The following ZNF445 variants were observed in gnomAD, a reference collection of about 807,000 sequenced individuals.
ZNF445 encodes the protein zinc finger protein 445, also known as zinc finger protein 168.
In ZNF445, 19 loss-of-function variants were observed where a neutral mutation model predicts 93.9. The observed-to-expected ratio is 0.20, with a 90% CI of 0.14 to 0.30. The LOEUF is 0.30. Ranked by LOEUF, ZNF445 falls within the 10% of genes least tolerant of loss-of-function variation. The pLI is 1.00. For synonymous variants in ZNF445, 449 were observed against 446.3 expected, an observed-to-expected ratio of 1.01 and a Z score of -0.08; for missense variants, 1,058 against 1,259.4, an observed-to-expected ratio of 0.84 and a Z score of 2.42.
rs758247269 is a variant in ZNF445 at position 44,446,574 on chromosome 3, G to A, written c.*1C>T. 15 of 1,614,126 alleles carry A rather than the reference G, an allele frequency of 9.3e-6. No homozygotes were observed. The South Asian group carries it at 1.2e-4, about 13-fold the overall frequency. On this transcript the variant is annotated 3_prime_UTR_variant, in exon 8 of 8. Transcript: ENST00000396077. The surrounding 1 kb of genome is among the most constrained non-coding windows in gnomAD (Gnocchi z 4.2). ...CCCCACTGTCACTGTCAGGTCCCAG[G>A]CTAATCTCTAATATGGTTTTTCATA...
In ZNF445 at chr3:44,435,726, TATTC is replaced by T. The variant is rs1345451120; in HGVS notation, c.*10845_*10848del. On this transcript the variant is annotated 3_prime_UTR_variant, in exon 8 of 8. Coordinates refer to ENST00000396077, the MANE Select transcript of ZNF445 (RefSeq NM_181489.6). ...GATTCTGCCCATTGTTGACTATGTC[TATTC>T]TAATTACGCATTCTAGAACCAGGGA... is the stretch of plus-strand genomic sequence containing the variant. 1 of 152,230 alleles carries T rather than the reference TATTC, an allele frequency of 6.6e-6. No homozygotes were observed. The highest frequency in any genetic ancestry group is 1.9e-4 in the East Asian group (1 of 5,202). The allele number at this position is 152,230 out of a possible 1,614,324, so 9.4% of individuals were successfully genotyped here.
Position 44,461,350 on chromosome 3 carries a change from CGAG to C in ZNF445, c.-268-2989_-268-2987del, listed in dbSNP as rs1423963731. On this transcript the variant is annotated intron_variant, in intron 1 of 7. Transcript: ENST00000396077. Reference sequence around the variant, plus strand: ...GACTTCTACTCAATCAGGAAGATTTCGAGGAGGTTTCTCAGACCGAGAATAGGA... The same window carrying C: ...GACTTCTACTCAATCAGGAAGATTTCGAGGTTTCTCAGACCGAGAATAGGA... Among the ~76,000 whole-genome samples, 12 of 145,728 alleles carry C rather than the reference CGAG, an allele frequency of 8.2e-5. No homozygotes were observed. The East Asian group carries it at 2.2e-3, about 27-fold the overall frequency.
At chr3:44,459,136 C>T (rs1371356427) in intron 1 of ZNF445, among the ~76,000 whole-genome samples, 1 of 152,132 alleles carries the variant, frequency 6.6e-6, no homozygotes, top group Non-Finnish European at 1.5e-5. Context: ...CCCATCTCCA[C>T]AGGAAGAAAA....
chr3:44,464,960 G>A (rs893394276), intron 1 of ZNF445, among the ~76,000 whole-genome samples: 2 of 151,808 alleles, frequency 1.3e-5, no homozygotes, highest in African/African-American at 4.8e-5. Flanking sequence ...CCAGCTACTC[G>A]GTAGGCTGAG....
At position 44,447,655 on chromosome 3, in the gene ZNF445, CT is replaced by C; in HGVS notation, c.2015del (p.Gln672ArgfsTer62). On this transcript the variant is annotated frameshift_variant, in exon 8 of 8. Coordinates refer to ENST00000396077, the MANE Select transcript of ZNF445 (RefSeq NM_181489.6). LOFTEE classifies it high-confidence loss of function. This position sits in a 1 kb window ranked among gnomAD's most constrained non-coding sequence, Gnocchi z 4.7. ...ATGTTTTCTCCACAGCGGGAGCACC[CT>C]GGGGCTGACTGCAGTCAGGAGATTG... ...FRQSPDCSQP[Q>X]GAPAVEKTFL... 6.2e-7 allele frequency: 1 copy of C among 1,614,096 alleles called. No homozygotes were observed. Among genetic ancestry groups the C allele is most frequent in the Admixed American group, 1.7e-5 (1 of 60,024 alleles).
rs894494361 is a variant in ZNF445 at position 44,444,411 on chromosome 3, A to G, written c.*2164T>C. 2.0e-5 allele frequency: 3 copies of G among 152,184 alleles called. No homozygotes were observed. The highest frequency in any genetic ancestry group is 7.2e-5 in the African/African-American group (3 of 41,440). 9.4% of individuals were successfully genotyped at this position (152,184 alleles called of 1,614,324 possible). A position where few individuals can be genotyped will look rare whatever the true frequency, so the allele number is the denominator to read the frequency against. On this transcript the variant is annotated 3_prime_UTR_variant, in exon 8 of 8. Coordinates refer to ENST00000396077, the MANE Select transcript of ZNF445 (RefSeq NM_181489.6). ...GCACAGCCAAGCACTCTAACTTCACACATAAGGAAATTGATGCAGAGGTTC... is the reference window on the plus strand; with the variant it reads ...GCACAGCCAAGCACTCTAACTTCACGCATAAGGAAATTGATGCAGAGGTTC...
At chr3:44,449,438 GT>G in intron 7 of ZNF445, 74 bp downstream of exon 7, 1 of 1,201,506 alleles carries the variant, frequency 8.3e-7, no homozygotes, top group Non-Finnish European at 1.2e-6. Flanking sequence ...TAAATTCCCA[GT>G]GATGTAACTG....
intron 1 of ZNF445, among the ~76,000 whole-genome samples, chr3:44,474,396 C>G (rs1698313291): frequency 6.6e-6 from 1 of 152,124 alleles, no homozygotes; most frequent in African/African-American, 2.4e-5. Context: ...TGCCTGTAAT[C>G]CCAGCTACTC....
intron 3 of ZNF445, among the ~76,000 whole-genome samples, chr3:44,453,104 G>C (rs1697978064): frequency 6.6e-6 from 1 of 151,236 alleles, no homozygotes; most frequent in Admixed American, 6.6e-5. Context: ...AGTAGAGATG[G>C]GTTTTCATCA....
chr3:44,469,696 G>A (rs1203450086), intron 1 of ZNF445, among the ~76,000 whole-genome samples: 1 of 152,034 alleles, frequency 6.6e-6, no homozygotes, highest in East Asian at 1.9e-4. Context: ...TTGAACCCAG[G>A]AGGCAGAGGT....
Position 44,450,897 on chromosome 3 carries a change from G to C in ZNF445, c.664C>G (p.Pro222Ala). The C allele has an allele frequency of 6.3e-7, 1 of 1,595,192 alleles. No homozygotes were observed. Among genetic ancestry groups the C allele is most frequent in the Non-Finnish European group, 8.5e-7 (1 of 1,171,412 alleles). Residue 222 changes from proline (P) to alanine (A), a missense_variant, in exon 5 of 8, where the codon CCA (proline) becomes GCA (alanine). By Grantham distance (27) the Pro-to-Ala change is conservative. Around this residue, in one of 3 missense-constraint regions of ZNF445, gnomAD observed 657 missense variants for 746.4 expected, o/e 0.88. Transcript: ENST00000396077. ...REGCPGDQVT[P>A]TRSLTAQLQE... is the part of the protein sequence containing the mutation. ...AGCTGGGCTGTCAGGGACCTGGTTG[G>C]TGTTACCTGGTCTCCCGGGCACCCC...
At chr3:44,450,086 G>A (rs766026036) in intron 6 of ZNF445, 5 of 316,694 alleles carry the variant, frequency 1.6e-5, no homozygotes, top group Admixed American at 9.4e-5. Context: ...GATTACAGGC[G>A]TGCGTACCAC....
chr3:44,443,477 T>G lies in ZNF445; in HGVS notation c.*3098A>C, dbSNP rs1317503440. 1 of 152,096 alleles carries G rather than the reference T, an allele frequency of 6.6e-6. No homozygotes were observed. The allele number at this position is 152,096 out of a possible 1,614,324, so 9.4% of individuals were successfully genotyped here. A position where few individuals can be genotyped will look rare whatever the true frequency, so the allele number is the denominator to read the frequency against. On this transcript the variant is annotated 3_prime_UTR_variant, in exon 8 of 8. Coordinates refer to ENST00000396077, the MANE Select transcript of ZNF445 (RefSeq NM_181489.6). Reference sequence around the variant, plus strand: ...GGCTCACACCTGTAATCCCAGCATTTTGGGAGGCCGAGGCGGGTGGATCAC... The same window carrying G: ...GGCTCACACCTGTAATCCCAGCATTGTGGGAGGCCGAGGCGGGTGGATCAC...
At chr3:44,465,423 G>C (rs933268561) in intron 1 of ZNF445, among the ~76,000 whole-genome samples, 2 of 152,176 alleles carry the variant, frequency 1.3e-5, no homozygotes, top group African/African-American at 4.8e-5. Context: ...AAATTATTTA[G>C]TTTTCCACAG....
chr3:44,469,576 C>T (rs1698238159), intron 1 of ZNF445, among the ~76,000 whole-genome samples: 1 of 152,076 alleles, frequency 6.6e-6, no homozygotes, highest in Non-Finnish European at 1.5e-5. Flanking sequence ...TGAGAACAGC[C>T]TGGCAAACAT....
intron 1 of ZNF445, among the ~76,000 whole-genome samples, chr3:44,473,111 AAGGT>A (rs1487539394): frequency 1.8e-4 from 27 of 152,166 alleles, no homozygotes; most frequent in Admixed American, 1.8e-3. Flanking sequence ...AAGTGTATAG[AAGGT>A]ATATAAACTG....
rs1697637333 is a variant in ZNF445, at chr3:44,434,560, A to T, written c.*12015T>A. On this transcript the variant is annotated 3_prime_UTR_variant, in exon 8 of 8. Transcript: ENST00000396077. ...CTGTACACCAGGTCCAGTGACTATA[A>T]TGTCATCAATATAATGGACCAGTGT... 1 of 152,136 alleles carries T rather than the reference A, an allele frequency of 6.6e-6. No homozygotes were observed. The highest frequency in any genetic ancestry group is 2.1e-4 in the South Asian group (1 of 4,822). 9.4% of individuals were successfully genotyped at this position (152,136 alleles called of 1,614,324 possible). A position where few individuals can be genotyped will look rare whatever the true frequency, so the allele number is the denominator to read the frequency against.
intron 1 of ZNF445, among the ~76,000 whole-genome samples, chr3:44,472,262 C>A (rs1698279644): frequency 1.3e-5 from 2 of 152,184 alleles, no homozygotes; most frequent in Admixed American, 1.3e-4. Flanking sequence ...CACCTACAGT[C>A]AAATTAGCTC....
chr3:44,473,815 C>T (rs1419813948), intron 1 of ZNF445, among the ~76,000 whole-genome samples: 2 of 148,350 alleles, frequency 1.3e-5, no homozygotes, highest in South Asian at 2.1e-4. Flanking sequence ...AAAATAACAA[C>T]AGTACTGCAT....
Sources: allele counts gnomAD v4.1 joint callset (sites outside exome capture counted in the v4.1 genomes callset), GRCh38; gene constraint gnomAD v4.1.1; regional missense constraint gnomAD v4.1.1; non-coding constraint Gnocchi (gnomAD v3.1); transcripts MANE v1.5; gene names NCBI Gene and HGNC (gene_info 2026-07-23, HGNC 2026-07-21).